The following RMDN2 variants were observed in gnomAD, a reference collection of about 807,000 sequenced individuals.
RMDN2 encodes the protein regulator of microtubule dynamics protein 2.
RMDN2 carries 61 observed loss-of-function variants against 52.8 expected under a neutral mutation model. That is an observed-to-expected ratio of 1.16 (90% CI 0.94 to 1.43). RMDN2 has a LOEUF of 1.43. RMDN2 is among the 40% of genes most tolerant of loss of function. The pLI, the probability that RMDN2 is intolerant of heterozygous loss-of-function variation, is 0.00. For synonymous variants in RMDN2, 180 were observed against 153.1 expected, an observed-to-expected ratio of 1.18 and a Z score of -1.30; for missense variants, 592 against 475.3, an observed-to-expected ratio of 1.25 and a Z score of -2.28.
intron 10 of RMDN2, among the ~76,000 whole-genome samples, chr2:38,008,566 T>C (rs1677458225): frequency 6.6e-6 from 1 of 152,188 alleles, no homozygotes; most frequent in Admixed American, 6.5e-5. Context: ...TTGGTAGATC[T>C]TCCTCCATCC....
intron 2 of RMDN2, among the ~76,000 whole-genome samples, chr2:37,965,045 C>T (rs1016159282): frequency 1.3e-5 from 2 of 152,038 alleles, no homozygotes; most frequent in Admixed American, 6.6e-5. Context: ...TATAGCCACT[C>T]CCACTCTCTT....
At chr2:37,998,963 G>C (rs1008147272) in intron 8 of RMDN2, among the ~76,000 whole-genome samples, 7 of 152,054 alleles carry the variant, frequency 4.6e-5, no homozygotes, top group Non-Finnish European at 1.0e-4. Context: ...AATTGTATAA[G>C]AATGTAGATT....
chr2:38,010,488 A>AT (rs1371175955), intron 10 of RMDN2, among the ~76,000 whole-genome samples: 1 of 152,150 alleles, frequency 6.6e-6, no homozygotes, highest in African/African-American at 2.4e-5. Context: ...GCAAGGCTCC[A>AT]TGGGCATAGG....
At position 37,981,281 on chromosome 2, in the gene RMDN2, A is replaced by C. The variant is rs757658467; in HGVS notation, c.731-2A>C. 2 of 1,575,836 alleles carry C rather than the reference A, an allele frequency of 1.3e-6. No individual in the cohort carries two copies. Among genetic ancestry groups the C allele is most frequent in the African/African-American group, 2.7e-5 (2 of 74,212 alleles). On this transcript the variant is annotated splice_acceptor_variant, in intron 4 of 10. Transcript: ENST00000354545. LOFTEE classifies it high-confidence loss of function. ...TTAAGTGTAAGTACTTTTATCTTTC[A>C]GGAAAAACTTTAAGTGAAAGAGCTA...
At position 37,929,674 on chromosome 2, in the gene RMDN2, A is replaced by T; in HGVS notation, c.397A>T (p.Thr133Ser). 6.5e-7 allele frequency: 1 copy of T among 1,534,382 alleles called. No individual in the cohort carries two copies. Among genetic ancestry groups the T allele is most frequent in the Non-Finnish European group, 8.7e-7 (1 of 1,142,882 alleles). Residue 133 changes from threonine (T) to serine (S), a missense_variant, in exon 2 of 11, where the codon ACA becomes TCA. Transcript: ENST00000354545. ...CAGAGCGAGAAAAAGAAGACTCCCC[A>T]CAATTCAAAGTTCAGCAACAAGTAA... is the stretch of plus-strand genomic sequence containing the variant. ...QHRARKRRLP[T>S]IQSSATSNSS...
chr2:38,041,114 G>C (rs1165438584), intron 10 of RMDN2, among the ~76,000 whole-genome samples: 1 of 152,078 alleles, frequency 6.6e-6, no homozygotes, highest in Non-Finnish European at 1.5e-5. Context: ...TTCATTTTGG[G>C]GGGTTTTCTA....
intron 10 of RMDN2, among the ~76,000 whole-genome samples, chr2:38,042,396 C>A (rs962160197): frequency 7.8e-6 from 1 of 127,806 alleles, no homozygotes; most frequent in Non-Finnish European, 1.5e-5. Flanking sequence ...TCCAAAACCT[C>A]CCCCCGCCAC....
chr2:37,951,065 T>C (rs1285890095), intron 2 of RMDN2, among the ~76,000 whole-genome samples: 1 of 152,110 alleles, frequency 6.6e-6, no homozygotes, highest in Non-Finnish European at 1.5e-5. Context: ...TGTGTGACCA[T>C]TAACTTAAGC....
At chr2:38,016,722 A>T (rs2125247224) in intron 10 of RMDN2, among the ~76,000 whole-genome samples, 1 of 152,328 alleles carries the variant, frequency 6.6e-6, no homozygotes, top group East Asian at 1.9e-4. Flanking sequence ...GAGCTCCCAC[A>T]GGGCTAAACC....
intron 10 of RMDN2, among the ~76,000 whole-genome samples, chr2:38,053,928 A>G (rs1441259791): frequency 1.3e-5 from 2 of 152,226 alleles, no homozygotes. Flanking sequence ...TTATTTTGAT[A>G]GACAGAGAGT....
At chr2:38,053,041 G>A (rs1213279760) in intron 10 of RMDN2, among the ~76,000 whole-genome samples, 1 of 152,180 alleles carries the variant, frequency 6.6e-6, no homozygotes, top group Non-Finnish European at 1.5e-5. Context: ...AAGGTAGCAG[G>A]TTTTAATCTC....
chr2:38,049,299 G>T lies in RMDN2; in HGVS notation c.1714-17683G>T, dbSNP rs770500882. 1.9e-4 allele frequency among the ~76,000 whole-genome samples: 29 copies of T among 152,166 alleles called. 1 individual carries two copies. The highest frequency in any genetic ancestry group is 1.5e-4 in the Non-Finnish European group (10 of 68,038). Reference sequence around the variant, plus strand: ...TTGGGAGGGAAAGTTAGGACCATCAGTCAGAGAAGCAGCATGATCAGCAAA... The same window carrying T: ...TTGGGAGGGAAAGTTAGGACCATCATTCAGAGAAGCAGCATGATCAGCAAA... On this transcript the variant is annotated intron_variant, in intron 10 of 10. Coordinates refer to the RMDN2 transcript ENST00000234195.
chr2:37,944,996 A>G (rs1025728379), intron 2 of RMDN2, among the ~76,000 whole-genome samples: 2 of 152,210 alleles, frequency 1.3e-5, no homozygotes, highest in African/African-American at 4.8e-5. Flanking sequence ...TTTTAGTAGC[A>G]GTACACCTTA....
intron 2 of RMDN2, chr2:37,950,636 A>G (rs1320622599): frequency 6.3e-6 from 10 of 1,598,190 alleles, no homozygotes; most frequent in Admixed American, 3.3e-5. Context: ...CTAAAAGAAC[A>G]TTGAAAATAT....
At chr2:37,961,408 A>G (rs1230642501) in intron 2 of RMDN2, among the ~76,000 whole-genome samples, 2 of 151,412 alleles carry the variant, frequency 1.3e-5, no homozygotes, top group Non-Finnish European at 2.9e-5. Context: ...TTTTTCTCTA[A>G]TCTTGTCTTT....
intron 10 of RMDN2, among the ~76,000 whole-genome samples, chr2:38,033,726 A>C (rs76590945): frequency 0.23 from 34,488 of 152,138 alleles, 5,393 homozygotes; most frequent in East Asian, 0.78. Context: ...TAAGAGAGAA[A>C]ATTTGAGATC....
rs1678927055 is a variant in RMDN2, at chr2:38,017,218, A to C, written c.1212A>C (p.Ile404=). The change falls in exon 11 of 11, where the codon ATA becomes ATC. Residue 404 remains isoleucine, a synonymous_variant. Transcript: ENST00000354545. ...AGGCACAGAAAGAGATGCAAAAAATAATGACTTCCTTGAAGAGGTAAATAA... is the reference window on the plus strand; with the variant it reads ...AGGCACAGAAAGAGATGCAAAAAATCATGACTTCCTTGAAGAGGTAAATAA... ...DKEAQKEMQK[I]MTSLKR is the part of the protein sequence containing the mutation. 6.5e-7 allele frequency: 1 copy of C among 1,534,722 alleles called. No homozygotes were observed. Among genetic ancestry groups the C allele is most frequent in the Non-Finnish European group, 8.8e-7 (1 of 1,138,484 alleles).
intron 1 of RMDN2, among the ~76,000 whole-genome samples, chr2:37,928,251 C>A (rs955167235): frequency 6.6e-6 from 1 of 152,186 alleles, no homozygotes; most frequent in Admixed American, 6.5e-5. Flanking sequence ...TTATTTTAAG[C>A]AGGCTTTTCA....
chr2:37,973,956 T>C (rs1672127678), intron 2 of RMDN2, 84 bp from the exon 3 acceptor site: 6 of 1,070,946 alleles, frequency 5.6e-6, no homozygotes, highest in Non-Finnish European at 8.3e-6. Context: ...AAGAGGGGCA[T>C]GATTTGACTT....
Sources: allele counts gnomAD v4.1 joint callset (sites outside exome capture counted in the v4.1 genomes callset), GRCh38; gene constraint gnomAD v4.1.1; transcripts MANE v1.5; gene names NCBI Gene and HGNC (gene_info 2026-07-23, HGNC 2026-07-21).